Variants in DGKB observed in about 807,000 individuals in gnomAD.
DGKB encodes the protein diacylglycerol kinase beta.
In DGKB, 67 loss-of-function variants were observed where a neutral mutation model predicts 114.3. The ratio of observed to expected loss-of-function variants is 0.59; its 90% CI spans 0.48 to 0.72. The LOEUF (loss-of-function observed/expected upper bound fraction) is 0.72, where lower values mean the gene tolerates loss of function less well. Among genes scored for constraint, DGKB ranks in the 30% least tolerant of loss-of-function variants. The pLI, the probability that DGKB is intolerant of heterozygous loss-of-function variation, is 0.00. For missense variants in DGKB, 907 were observed against 975.2 expected (o/e 0.93, Z 0.93); for synonymous variants, 398 against 323.1 (o/e 1.23, Z -2.49).
intron 21 of DGKB, among the ~76,000 whole-genome samples, chr7:14,421,986 CA>C (rs1249516903): frequency 1.3e-5 from 2 of 151,672 alleles, no homozygotes; most frequent in Admixed American, 6.6e-5. Flanking sequence ...CCTTAGTATC[CA>C]AAAAAGCTAT....
intron 1 of DGKB, among the ~76,000 whole-genome samples, chr7:14,973,473 T>TTTG (rs752721419): frequency 6.6e-6 from 1 of 151,500 alleles, no homozygotes; most frequent in African/African-American, 2.4e-5. Flanking sequence ...ACTATTTCTT[T>TTTG]TTGTTGTTGT....
Position 14,617,962 on chromosome 7 carries a change from C to T in DGKB, c.1284+3416G>A, listed in dbSNP as rs958129147. On this transcript the variant is annotated intron_variant, in intron 15 of 25. Coordinates refer to ENST00000402815, the MANE Select transcript of DGKB (RefSeq NM_001350709.2). ...TATTTTTACATCATTTATTATCTAC[C>T]ATTTTATGTATATGGAGATACTCAG... Among the ~76,000 whole-genome samples the T allele has an allele frequency of 2.0e-5, 3 of 151,492 alleles. No homozygotes were observed. In the Admixed American group the frequency reaches 2.0e-4, roughly 10 times the overall value.
intron 23 of DGKB, among the ~76,000 whole-genome samples, chr7:14,335,509 G>C (rs1351361067): frequency 6.6e-6 from 1 of 152,032 alleles, no homozygotes; most frequent in South Asian, 2.1e-4. Flanking sequence ...AACAGTGTTA[G>C]TTAATATTTT....
chr7:14,186,112 C>T (rs569715790), intron 23 of DGKB, among the ~76,000 whole-genome samples: 1 of 152,178 alleles, frequency 6.6e-6, no homozygotes, highest in Non-Finnish European at 1.5e-5. Flanking sequence ...TCTTCACAAT[C>T]CATACATCTG....
At chr7:14,364,735 G>T (rs971526175) in intron 21 of DGKB, among the ~76,000 whole-genome samples, 1 of 151,970 alleles carries the variant, frequency 6.6e-6, no homozygotes, top group African/African-American at 2.4e-5. Context: ...GCCCATGAGA[G>T]ATTTAATCAT....
chr7:14,676,505 T>C (rs1260024207), intron 12 of DGKB, among the ~76,000 whole-genome samples: 1 of 152,108 alleles, frequency 6.6e-6, no homozygotes, highest in Non-Finnish European at 1.5e-5. Flanking sequence ...TTATTTCACA[T>C]TGCATGCCTG....
At chr7:14,730,797 T>C (rs1449709173) in intron 5 of DGKB, among the ~76,000 whole-genome samples, 1 of 152,182 alleles carries the variant, frequency 6.6e-6, no homozygotes, top group East Asian at 1.9e-4. Flanking sequence ...ACCCATGCCC[T>C]TCACTAAAGC....
At chr7:14,647,652 G>C (rs376635822) in intron 13 of DGKB, among the ~76,000 whole-genome samples, 1 of 152,012 alleles carries the variant, frequency 6.6e-6, no homozygotes. Context: ...CAAGATGGCC[G>C]AATAGTAACA....
intron 5 of DGKB, among the ~76,000 whole-genome samples, chr7:14,732,147 T>C (rs1470684923): frequency 6.6e-6 from 1 of 152,114 alleles, no homozygotes; most frequent in Non-Finnish European, 1.5e-5. Flanking sequence ...ACTAAATGTT[T>C]TGCTTTTACT....
intron 25 of DGKB, among the ~76,000 whole-genome samples, chr7:14,151,462 CTT>C (rs201389493): frequency 2.0e-4 from 28 of 143,198 alleles, no homozygotes; most frequent in African/African-American, 7.5e-4. Context: ...ATATTAAAAA[CTT>C]TTTAAAAAAA....
At chr7:14,949,560 G>A (rs1786061776) in intron 1 of DGKB, among the ~76,000 whole-genome samples, 1 of 151,934 alleles carries the variant, frequency 6.6e-6, no homozygotes, top group Non-Finnish European at 1.5e-5. Context: ...AGTAATAAGA[G>A]TGGAGGAGAT....
intron 2 of DGKB, among the ~76,000 whole-genome samples, chr7:14,824,988 A>ATG (rs1216839435): frequency 1.6e-5 from 2 of 124,146 alleles, no homozygotes; most frequent in Non-Finnish European, 3.3e-5. Flanking sequence ...TATCTCATAT[A>ATG]TGTGTGTATA....
At chr7:14,640,507 C>A (rs749567844) in intron 13 of DGKB, among the ~76,000 whole-genome samples, 4 of 152,148 alleles carry the variant, frequency 2.6e-5, no homozygotes, top group African/African-American at 9.7e-5. Context: ...AGTCAAAGCT[C>A]TTTAGAGTAT....
intron 1 of DGKB, among the ~76,000 whole-genome samples, chr7:14,901,853 A>G (rs1783134149): frequency 6.6e-6 from 1 of 152,102 alleles, no homozygotes. Context: ...TTGTTTTATA[A>G]AAGTTTTAAG....
intron 2 of DGKB, among the ~76,000 whole-genome samples, chr7:14,761,349 G>T (rs1835670559): frequency 6.6e-6 from 1 of 152,194 alleles, no homozygotes; most frequent in Non-Finnish European, 1.5e-5. Flanking sequence ...ATGTCTTCTT[G>T]GACACCCAAA....
At chr7:14,880,896 G>A (rs550737222) in intron 1 of DGKB, among the ~76,000 whole-genome samples, 15 of 151,926 alleles carry the variant, frequency 9.9e-5, no homozygotes, top group Non-Finnish European at 1.3e-4. Flanking sequence ...TTATTTGCTC[G>A]TTTCCAGTTT....
intron 4 of DGKB, among the ~76,000 whole-genome samples, chr7:14,744,028 A>G (rs2884371): frequency 0.053 from 7,972 of 151,266 alleles, 307 homozygotes; most frequent in Admixed American, 0.11. Flanking sequence ...GAACTAATAG[A>G]AAACTGAAGT....
chr7:14,927,827 C>A (rs1220662881), intron 1 of DGKB, among the ~76,000 whole-genome samples: 1 of 151,796 alleles, frequency 6.6e-6, no homozygotes, highest in Non-Finnish European at 1.5e-5. Context: ...CATTTTGCAT[C>A]TTCTTTTTTC....
chr7:14,605,355 A>G (rs1804287489), intron 17 of DGKB, among the ~76,000 whole-genome samples: 1 of 130,626 alleles, frequency 7.7e-6, no homozygotes, highest in Non-Finnish European at 1.6e-5. Flanking sequence ...TATATATTTC[A>G]TATATATATA....
Sources: allele counts gnomAD v4.1 joint callset (sites outside exome capture counted in the v4.1 genomes callset), GRCh38; gene constraint gnomAD v4.1.1; transcripts MANE v1.5; gene names NCBI Gene and HGNC (gene_info 2026-07-23, HGNC 2026-07-21).